Variants in LPIN2 observed in about 807,000 individuals in gnomAD.
The protein encoded by LPIN2 is phosphatidate phosphatase LPIN2.
A neutral mutation model predicts 111.4 loss-of-function variants in LPIN2; 55 were observed. That is an observed-to-expected ratio of 0.49 (90% CI 0.40 to 0.62). The LOEUF (loss-of-function observed/expected upper bound fraction) is 0.62, where lower values mean the gene tolerates loss of function less well. Ranked by LOEUF, LPIN2 falls within the 20% of genes least tolerant of loss-of-function variation. The pLI, the probability that LPIN2 is intolerant of heterozygous loss-of-function variation, is 0.00. For missense variants in LPIN2, 992 were observed against 1,112.1 expected, an observed-to-expected ratio of 0.89 and a Z score of 1.54; for synonymous variants, 425 against 414.0, an observed-to-expected ratio of 1.03 and a Z score of -0.32.
rs777787517 is a variant in LPIN2 at position 2,937,826 on chromosome 18, A to T, written c.1034T>A (p.Leu345His). 2 of 1,614,178 alleles carry T rather than the reference A, an allele frequency of 1.2e-6. No individual in the cohort carries two copies. Among genetic ancestry groups the T allele is most frequent in the Non-Finnish European group, 1.7e-6 (2 of 1,180,038 alleles). The change falls in exon 7 of 20, where the codon CTT becomes CAT. Residue 345 changes from leucine (L) to histidine (H), a missense_variant. By Grantham distance (99) the Leu-to-His change is moderately conservative. Transcript: ENST00000677752. The part of the protein sequence containing the change: ...QMSDPTSVAE[L>H]LEPPLESTQI... ...AGTACTCTCAAGAGGAGGTTCGAGAAGCTCTGCCACAGATGTTGGGTCGCT... is the reference window on the plus strand; with the variant it reads ...AGTACTCTCAAGAGGAGGTTCGAGATGCTCTGCCACAGATGTTGGGTCGCT...
At chr18:3,005,732 C>T (rs1277822271) in intron 1 of LPIN2, among the ~76,000 whole-genome samples, 4 of 151,020 alleles carry the variant, frequency 2.6e-5, no homozygotes, top group Admixed American at 1.3e-4. Context: ...ACCTAATAAA[C>T]GTAACAACAA....
At chr18:2,971,172 G>C (rs1447662862) in intron 1 of LPIN2, among the ~76,000 whole-genome samples, 1 of 152,092 alleles carries the variant, frequency 6.6e-6, no homozygotes, top group Non-Finnish European at 1.5e-5. Flanking sequence ...ATAATTTTCT[G>C]GACAATTCTT....
intron 1 of LPIN2, among the ~76,000 whole-genome samples, chr18:2,983,882 T>A (rs934942552): frequency 3.9e-5 from 6 of 152,156 alleles, no homozygotes; most frequent in African/African-American, 1.4e-4. Context: ...TGGACAATGC[T>A]GCTCTAAGGC....
At chr18:2,921,354 C>A in intron 18 of LPIN2, 179 bp downstream of exon 18, 1 of 652,616 alleles carries the variant, frequency 1.5e-6, no homozygotes, top group South Asian at 1.7e-5. Flanking sequence ...TCTGCACCTG[C>A]AGGACCTCCC....
chr18:2,975,088 A>C (rs191763558), intron 1 of LPIN2, among the ~76,000 whole-genome samples: 1 of 152,334 alleles, frequency 6.6e-6, no homozygotes, highest in East Asian at 1.9e-4. Flanking sequence ...GGTAAATGTT[A>C]TATTCATTGT....
intron 16 of LPIN2, among the ~76,000 whole-genome samples, chr18:2,923,165 A>G (rs1229766175): frequency 6.6e-6 from 1 of 152,212 alleles, no homozygotes; most frequent in East Asian, 1.9e-4. Context: ...TCATGCCTGT[A>G]ATCCCAGCAC....
intron 4 of LPIN2, among the ~76,000 whole-genome samples, chr18:2,941,871 C>A (rs925002494): frequency 2.2e-4 from 33 of 152,142 alleles, no homozygotes; most frequent in African/African-American, 7.5e-4. Context: ...TTGCAGTGAG[C>A]GGAGATCGCA....
chr18:2,959,624 A>T (rs2077676339), intron 2 of LPIN2, among the ~76,000 whole-genome samples: 1 of 152,208 alleles, frequency 6.6e-6, no homozygotes, highest in African/African-American at 2.4e-5. Flanking sequence ...TTGACATCAG[A>T]TATACTAGCA....
chr18:3,000,911 A>G (rs587721), intron 1 of LPIN2, among the ~76,000 whole-genome samples: 135,434 of 147,810 alleles, frequency 0.92, 62,802 homozygotes, highest in East Asian at 1. Context: ...TTTAAAAAGA[A>G]ACAAAGAAAG....
Position 2,918,240 on chromosome 18 carries a change from A to C in LPIN2, c.*2053T>G, listed in dbSNP as rs966173584. 1.3e-5 allele frequency: 2 copies of C among 152,242 alleles called. No homozygotes were observed. The highest frequency in any genetic ancestry group is 2.9e-5 in the Non-Finnish European group (2 of 68,040). 9.4% of individuals were successfully genotyped at this position (152,242 alleles called of 1,614,324 possible). A position where few individuals can be genotyped will look rare whatever the true frequency, so the allele number is the denominator to read the frequency against. ...GGGTCCTAGACTGAACCCTCTAAGAAGGCCCATGTGTCCAAAGAGAAGAGC... is the reference window on the plus strand; with the variant it reads ...GGGTCCTAGACTGAACCCTCTAAGACGGCCCATGTGTCCAAAGAGAAGAGC... On this transcript the variant is annotated 3_prime_UTR_variant, in exon 20 of 20. Coordinates refer to ENST00000677752, the MANE Select transcript of LPIN2 (RefSeq NM_001375808.2).
At chr18:2,955,362 T>C (rs181977712) in intron 2 of LPIN2, among the ~76,000 whole-genome samples, 3 of 152,128 alleles carry the variant, frequency 2.0e-5, no homozygotes, top group Non-Finnish European at 4.4e-5. Context: ...ACACGTCACA[T>C]AGTGAGAGCA....
At chr18:2,949,433 T>C (rs1009150324) in intron 4 of LPIN2, among the ~76,000 whole-genome samples, 1 of 152,234 alleles carries the variant, frequency 6.6e-6, no homozygotes, top group Non-Finnish European at 1.5e-5. Flanking sequence ...CTCTGGTTTG[T>C]AGAGCTTAAC....
intron 1 of LPIN2, among the ~76,000 whole-genome samples, chr18:2,994,931 G>C (rs1334264567): frequency 6.6e-6 from 1 of 152,150 alleles, no homozygotes; most frequent in African/African-American, 2.4e-5. Context: ...GGGCCGGCAA[G>C]CACATGACTT....
rs138129682 is a variant in LPIN2, at chr18:2,961,932, G to T, written c.-9-1083C>A. ...CCAGGCTGTCTGCCATAAGCAGCTCGTGGTTTCTCTACACCCAGCTTGGAG... is the reference window on the plus strand; with the variant it reads ...CCAGGCTGTCTGCCATAAGCAGCTCTTGGTTTCTCTACACCCAGCTTGGAG... On this transcript the variant is annotated intron_variant, in intron 1 of 19. Coordinates refer to ENST00000677752, the MANE Select transcript of LPIN2 (RefSeq NM_001375808.2). Among the ~76,000 whole-genome samples, 17 of 152,296 alleles carry T rather than the reference G, an allele frequency of 1.1e-4. No individual in the cohort carries two copies. In the East Asian group the frequency reaches 3.3e-3, roughly 29 times the overall value.
chr18:2,951,224 A>T lies in LPIN2; in HGVS notation c.421T>A (p.Leu141Met). Residue 141 changes from leucine (L) to methionine (M), a missense_variant, in exon 4 of 20, where the codon TTG becomes ATG. By Grantham distance (15) the Leu-to-Met change is conservative. This residue lies in a region of LPIN2 where 709 missense variants were observed against 753.2 expected (regional missense o/e 0.94). Coordinates refer to ENST00000677752, the MANE Select transcript of LPIN2 (RefSeq NM_001375808.2). Reference protein sequence around the residue: ...PSQSSDISHVLETETIFTPSS... With the variant: ...PSQSSDISHVMETETIFTPSS... ...GGAGTAAAAATTGTCTCTGTTTCCA[A>T]GACGTGTGAGATGTCTGAACTCTGA... 1 of 1,614,102 alleles carries T rather than the reference A, an allele frequency of 6.2e-7. No homozygotes were observed. The highest frequency in any genetic ancestry group is 8.5e-7 in the Non-Finnish European group (1 of 1,180,030).
At chr18:2,948,832 A>G (rs1417575685) in intron 4 of LPIN2, among the ~76,000 whole-genome samples, 2 of 151,418 alleles carry the variant, frequency 1.3e-5, no homozygotes, top group African/African-American at 4.9e-5. Context: ...TTTTTTTTTA[A>G]AGACAGAGTC....
chr18:2,988,012 C>CAAAAAAAAAAAAAAAA (rs761121515), intron 1 of LPIN2, among the ~76,000 whole-genome samples: 17 of 32,348 alleles, frequency 5.3e-4, no homozygotes, highest in Non-Finnish European at 9.6e-4. Context: ...GAGACTGTCT[C>CAAAAAAAAAAAAAAAA]AAAAAAAAAA....
chr18:2,957,593 T>G (rs534278912), intron 2 of LPIN2, among the ~76,000 whole-genome samples: 125 of 152,304 alleles, frequency 8.2e-4, no homozygotes, highest in African/African-American at 2.8e-3. Flanking sequence ...CAGAGATATG[T>G]CCGTTCCTTT....
intron 1 of LPIN2, among the ~76,000 whole-genome samples, chr18:2,961,153 G>A (rs1299487592): frequency 1.3e-5 from 2 of 152,068 alleles, no homozygotes; most frequent in African/African-American, 4.8e-5. Flanking sequence ...TTTCCCCAAA[G>A]TTCAGGATCA....
Sources: allele counts gnomAD v4.1 joint callset (sites outside exome capture counted in the v4.1 genomes callset), GRCh38; gene constraint gnomAD v4.1.1; regional missense constraint gnomAD v4.1.1; transcripts MANE v1.5; gene names NCBI Gene and HGNC (gene_info 2026-07-23, HGNC 2026-07-21).